Variants in CNTN5 observed in about 807,000 individuals in gnomAD.
CNTN5 encodes contactin-5.
CNTN5 carries 77 observed loss-of-function variants against 129.1 expected under a neutral mutation model. That is an observed-to-expected ratio of 0.60 (90% confidence interval 0.50 to 0.72). The LOEUF is 0.72. Among genes scored for constraint, CNTN5 ranks in the 30% least tolerant of loss-of-function variants. CNTN5 has a pLI of 0.00. For synonymous variants in CNTN5, 509 were observed against 465.6 expected (o/e 1.09, Z -1.20); for missense variants, 1,478 against 1,328.8 (o/e 1.11, Z -1.75).
intron 2 of CNTN5, among the ~76,000 whole-genome samples, chr11:99,467,803 C>T (rs1945005106): frequency 6.6e-6 from 1 of 151,938 alleles, no homozygotes; most frequent in South Asian, 2.1e-4. Context: ...ATCTGATTAC[C>T]TTTCTTTTTA....
At chr11:99,722,331 G>A (rs1943200545) in intron 3 of CNTN5, among the ~76,000 whole-genome samples, 1 of 152,134 alleles carries the variant, frequency 6.6e-6, no homozygotes, top group African/African-American at 2.4e-5. Flanking sequence ...GTCTTTTGCA[G>A]GAATGGGAAT....
At chr11:99,224,564 A>G (rs764308465) in intron 1 of CNTN5, among the ~76,000 whole-genome samples, 22 of 152,076 alleles carry the variant, frequency 1.4e-4, no homozygotes, top group Non-Finnish European at 2.8e-4. Context: ...ATTACTTTAA[A>G]GATGGAATCA....
chr11:99,191,412 A>T (rs978156815), intron 1 of CNTN5, among the ~76,000 whole-genome samples: 11 of 151,742 alleles, frequency 7.2e-5, no homozygotes, highest in Non-Finnish European at 1.6e-4. Context: ...GAGTGGTATT[A>T]GGAGTAGGAA....
chr11:99,883,997 G>A lies in CNTN5; in HGVS notation c.578-32057G>A, dbSNP rs1351658258. Among the ~76,000 whole-genome samples the A allele has an allele frequency of 2.6e-5, 4 of 152,174 alleles. No individual in the cohort carries two copies. In the South Asian group the frequency reaches 8.3e-4, roughly 31 times the overall value. On this transcript the variant is annotated intron_variant, in intron 6 of 24. Coordinates refer to ENST00000524871, the MANE Select transcript of CNTN5 (RefSeq NM_014361.4). ...GGTAAAAATTCATATTGGGGAATAT[G>A]TACAATTAAAGTGATTCTGTTTTCA...
chr11:99,339,236 T>G (rs1220758893), intron 2 of CNTN5, among the ~76,000 whole-genome samples: 1 of 152,036 alleles, frequency 6.6e-6, no homozygotes, highest in Non-Finnish European at 1.5e-5. Flanking sequence ...CACTTTCTAG[T>G]ATGAAAATAA....
intron 2 of CNTN5, among the ~76,000 whole-genome samples, chr11:99,520,375 T>C (rs1031248193): frequency 6.6e-6 from 1 of 152,110 alleles, no homozygotes; most frequent in African/African-American, 2.4e-5. Context: ...CCAATCCTCA[T>C]CAGTGATACT....
intron 1 of CNTN5, among the ~76,000 whole-genome samples, chr11:99,188,144 T>C (rs969585292): frequency 1.4e-4 from 22 of 151,870 alleles, no homozygotes; most frequent in Admixed American, 2.6e-4. Flanking sequence ...TAGTTATATA[T>C]CATACAGGCA....
At chr11:100,072,042 T>C (rs1943942658) in intron 12 of CNTN5, among the ~76,000 whole-genome samples, 1 of 152,156 alleles carries the variant, frequency 6.6e-6, no homozygotes, top group Non-Finnish European at 1.5e-5. Flanking sequence ...GTTCATATAG[T>C]TTTTCTAACT....
intron 3 of CNTN5, among the ~76,000 whole-genome samples, chr11:99,808,138 A>T (rs964459370): frequency 1.3e-5 from 2 of 152,190 alleles, no homozygotes; most frequent in African/African-American, 4.8e-5. Context: ...TGTGATGCAT[A>T]CATAACTTAG....
At chr11:99,590,753 T>C (rs1263859605) in intron 3 of CNTN5, among the ~76,000 whole-genome samples, 1 of 152,200 alleles carries the variant, frequency 6.6e-6, no homozygotes, top group Non-Finnish European at 1.5e-5. Context: ...AAGGGAACAA[T>C]GGTTTGAGAT....
At chr11:99,658,626 CT>C (rs748160999) in intron 3 of CNTN5, among the ~76,000 whole-genome samples, 88 of 148,076 alleles carry the variant, frequency 5.9e-4, no homozygotes, top group South Asian at 2.0e-3. Context: ...AATCCCAGCA[CT>C]TTGGGAGGCT....
At chr11:99,462,487 C>G (rs1413472274) in intron 2 of CNTN5, among the ~76,000 whole-genome samples, 1 of 151,208 alleles carries the variant, frequency 6.6e-6, no homozygotes, top group Non-Finnish European at 1.5e-5. Flanking sequence ...GAAATATTAG[C>G]TCAACAGGTG....
chr11:99,944,230 A>C (rs928182541), intron 7 of CNTN5, among the ~76,000 whole-genome samples: 2 of 152,050 alleles, frequency 1.3e-5, no homozygotes, highest in Non-Finnish European at 2.9e-5. Flanking sequence ...AGCAGGAAAG[A>C]TCTAAAATCA....
At chr11:99,713,843 G>A (rs961425644) in intron 3 of CNTN5, among the ~76,000 whole-genome samples, 11 of 151,950 alleles carry the variant, frequency 7.2e-5, no homozygotes, top group Non-Finnish European at 1.2e-4. Flanking sequence ...GTTTGTGTAT[G>A]TTATAAAGGA....
chr11:100,165,033 G>A (rs1187456033), intron 13 of CNTN5, among the ~76,000 whole-genome samples: 2 of 151,704 alleles, frequency 1.3e-5, no homozygotes, highest in African/African-American at 4.8e-5. Context: ...TTCAGCTAAG[G>A]AGTTGTCTGT....
At chr11:99,576,230 G>A (rs1949346581) in intron 3 of CNTN5, among the ~76,000 whole-genome samples, 1 of 152,184 alleles carries the variant, frequency 6.6e-6, no homozygotes, top group Admixed American at 6.5e-5. Flanking sequence ...GGATATATTA[G>A]TATTCTCAAA....
chr11:100,157,510 T>TA (rs57879098), intron 13 of CNTN5, among the ~76,000 whole-genome samples: 22,783 of 146,792 alleles, frequency 0.16, 1,831 homozygotes, highest in African/African-American at 0.22. Context: ...CTCAATCTTG[T>TA]AAAAAAAAAA....
At chr11:99,712,348 G>C (rs1955029107) in intron 3 of CNTN5, among the ~76,000 whole-genome samples, 1 of 151,860 alleles carries the variant, frequency 6.6e-6, no homozygotes, top group Admixed American at 6.6e-5. Context: ...TTGTAAATTT[G>C]ATTAAGTTCT....
intron 21 of CNTN5, among the ~76,000 whole-genome samples, chr11:100,338,136 G>T (rs768468750): frequency 5.3e-5 from 8 of 152,142 alleles, no homozygotes; most frequent in Non-Finnish European, 1.0e-4. Context: ...AATTACTGTG[G>T]TCCTCACTTC....
Sources: gnomAD v4.1 joint callset for allele counts (sites outside exome capture counted in the v4.1 genomes callset) on GRCh38, gnomAD v4.1.1 for gene constraint, MANE v1.5 for transcripts, NCBI Gene and HGNC (gene_info 2026-07-23, HGNC 2026-07-21) for gene names.